ADCK2: variants seen among roughly 807,000 people sequenced by gnomAD.
ADCK2 encodes the protein aarF domain containing kinase 2.
In ADCK2, 37 loss-of-function variants were observed where a neutral mutation model predicts 52.3. The ratio of observed to expected loss-of-function variants is 0.71; its 90% CI spans 0.54 to 0.93. The LOEUF (loss-of-function observed/expected upper bound fraction) is 0.93, where lower values mean the gene tolerates loss of function less well. ADCK2 is among the 40% of genes least tolerant of loss of function. ADCK2 has a pLI of 0.00. For synonymous variants in ADCK2, 321 were observed against 349.2 expected, an observed-to-expected ratio of 0.92 and a Z score of 0.90; for missense variants, 695 against 798.7, an observed-to-expected ratio of 0.87 and a Z score of 1.56.
chr7:140,692,290 A>C (rs1794723135), intron 7 of ADCK2, among the ~76,000 whole-genome samples: 1 of 152,136 alleles, frequency 6.6e-6, no homozygotes, highest in African/African-American at 2.4e-5. Flanking sequence ...TATAAAGTAT[A>C]CTGTCCTTTT....
chr7:140,676,427 C>T (rs1794418622), intron 2 of ADCK2, among the ~76,000 whole-genome samples: 1 of 152,194 alleles, frequency 6.6e-6, no homozygotes, highest in African/African-American at 2.4e-5. Flanking sequence ...CAAATTAAAA[C>T]AGAGAAAATA....
At chr7:140,689,522 G>A (rs1794667720) in intron 5 of ADCK2, 75 bp from the exon 6 acceptor site, 2 of 1,500,490 alleles carry the variant, frequency 1.3e-6, no homozygotes. Context: ...CTGCTGAGAT[G>A]AGAAAGACGC....
At chr7:140,691,088 G>A (rs1424008515) in intron 7 of ADCK2, among the ~76,000 whole-genome samples, 2 of 151,940 alleles carry the variant, frequency 1.3e-5, no homozygotes, top group Admixed American at 6.6e-5. Flanking sequence ...ACCACGCCTG[G>A]CTAATTTTTG....
intron 7 of ADCK2, among the ~76,000 whole-genome samples, chr7:140,691,376 C>T (rs1057206387): frequency 2.6e-5 from 4 of 152,250 alleles, no homozygotes; most frequent in Non-Finnish European, 5.9e-5. Flanking sequence ...CAGCCTACCT[C>T]TGGCTTTTCA....
At position 140,687,107 on chromosome 7, in the gene ADCK2, ACT is replaced by A; in HGVS notation, c.1426_1427del (p.Leu476GlyfsTer28). On this transcript the variant is annotated frameshift_variant, in exon 5 of 8. Coordinates refer to ENST00000072869, the MANE Select transcript of ADCK2 (RefSeq NM_052853.4). LOFTEE classifies it high-confidence loss of function. Reference protein sequence around the residue: ...AQLQQADICDTLVVAVPSSLC... With the variant: ...AQLQQADICDXLVVAVPSSLC... ...GCTGCAGCAGGCGGACATCTGTGAC[ACT>A]CTGGTGGTGGCCGTGCCATCTTCCC... 1.2e-6 allele frequency: 2 copies of A among 1,613,440 alleles called. No individual in the cohort carries two copies. Among genetic ancestry groups the A allele is most frequent in the African/African-American group, 1.3e-5 (1 of 74,874 alleles).
intron 4 of ADCK2, among the ~76,000 whole-genome samples, chr7:140,682,308 T>C (rs1214651305): frequency 6.6e-6 from 1 of 152,226 alleles, no homozygotes; most frequent in Non-Finnish European, 1.5e-5. Flanking sequence ...TGTGAAGGTC[T>C]AGGTGTCACT....
At chr7:140,690,699 G>A (rs1585854998) in intron 6 of ADCK2, 61 bp from the exon 7 acceptor site, 16 of 1,520,998 alleles carry the variant, frequency 1.1e-5, no homozygotes, top group Non-Finnish European at 1.5e-5. Flanking sequence ...TGGGGGTGGT[G>A]GGAAATGAGC....
rs1395818718 is a variant in ADCK2 at position 140,693,493 on chromosome 7, T to G, written c.1741-1170T>G. 6.6e-6 allele frequency among the ~76,000 whole-genome samples: 1 copy of G among 152,254 alleles called. No individual in the cohort carries two copies. Among genetic ancestry groups the G allele is most frequent in the African/African-American group, 2.4e-5 (1 of 41,476 alleles). On this transcript the variant is annotated intron_variant, in intron 7 of 7. Transcript: ENST00000072869. This position sits in a 1 kb window ranked among gnomAD's most constrained non-coding sequence, Gnocchi z 4.0. Reference sequence around the variant, plus strand: ...GTCCACTTAAAAAGCAGATTCCTGTTCTTCTAGGTTTACATCTGGCTCTAT... The same window carrying G: ...GTCCACTTAAAAAGCAGATTCCTGTGCTTCTAGGTTTACATCTGGCTCTAT...
rs1325060889 is a variant in ADCK2, at chr7:140,679,182, C to G, written c.1108C>G (p.Leu370Val). The G allele has an allele frequency of 6.2e-7, 1 of 1,614,136 alleles. No homozygotes were observed. Among genetic ancestry groups the G allele is most frequent in the Non-Finnish European group, 8.5e-7 (1 of 1,180,006 alleles). ...QIDLRYEAQN[L>V]EHFQVNFRNV... is the part of the protein sequence containing the mutation. ...TGACCTGCGTTACGAAGCTCAGAAT[C>G]TAGAACACTTCCAGGTCAACTTCCG... The change falls in exon 3 of 8, where the codon CTA (leucine) becomes GTA (valine). Residue 370 changes from leucine to valine, a missense_variant. Leu to Val is a conservative substitution (Grantham distance 32). Transcript: ENST00000072869.
chr7:140,692,308 G>C (rs918582513), intron 7 of ADCK2, among the ~76,000 whole-genome samples: 4 of 152,098 alleles, frequency 2.6e-5, no homozygotes, highest in Non-Finnish European at 5.9e-5. Context: ...TTTGTGATTG[G>C]CTTGTTTTAC....
At chr7:140,687,883 T>C (rs1794634439) in intron 5 of ADCK2, among the ~76,000 whole-genome samples, 1 of 151,486 alleles carries the variant, frequency 6.6e-6, no homozygotes, top group South Asian at 2.1e-4. Flanking sequence ...AGTTTTTTTT[T>C]TTTTTTTTTA....
rs1801679945 is a variant in ADCK2, at chr7:140,673,804, GT to G, written c.478del (p.Ser160ArgfsTer15). The G allele has an allele frequency of 1.2e-6, 2 of 1,613,598 alleles. No individual in the cohort carries two copies. The highest frequency in any genetic ancestry group is 1.7e-6 in the Non-Finnish European group (2 of 1,179,998). On this transcript the variant is annotated frameshift_variant, in exon 1 of 8. Coordinates refer to ENST00000072869, the MANE Select transcript of ADCK2 (RefSeq NM_052853.4). LOFTEE classifies it high-confidence loss of function. The surrounding 1 kb of genome is among the most constrained non-coding windows in gnomAD (Gnocchi z 6.4). ...AGTGGGCCAGCACCCGGCGCGATCT[GT>G]TTTCGGAGGCTTTCTGTGCCCAATT... The part of the protein sequence containing the change: ...GQWASTRRDL[F>X]SEAFCAQFSK...
At position 140,673,607 on chromosome 7, in the gene ADCK2, G is replaced by C; in HGVS notation, c.277G>C (p.Val93Leu). The C allele has an allele frequency of 6.2e-7, 1 of 1,608,220 alleles. No homozygotes were observed. Residue 93 changes from valine to leucine, a missense_variant, in exon 1 of 8, where the codon GTC becomes CTC. Physicochemically the swap from Val to Leu is conservative, Grantham distance 32 (BLOSUM62 1). Coordinates refer to ENST00000072869, the MANE Select transcript of ADCK2 (RefSeq NM_052853.4). This position sits in a 1 kb window ranked among gnomAD's most constrained non-coding sequence, Gnocchi z 6.4. ...SLPRAGPLGG[V>L]FLHLRLWLRA... ...CCCCCGAGCGGGACCTCTGGGCGGC[G>C]TCTTCCTGCATCTCCGCCTCTGGCT...
rs966828430 is a variant in ADCK2, at chr7:140,687,012, A to T, written c.1328A>T (p.His443Leu). 9 of 1,614,056 alleles carry T rather than the reference A, an allele frequency of 5.6e-6. No homozygotes were observed. The highest frequency in any genetic ancestry group is 6.8e-6 in the Non-Finnish European group (8 of 1,179,942). Residue 443 changes from histidine to leucine, a missense_variant, in exon 5 of 8, where the codon CAT becomes CTT. Transcript: ENST00000072869. Reference protein sequence around the residue: ...LKMIFVDNFVHADLHPGNILV... With the variant: ...LKMIFVDNFVLADLHPGNILV... ...CAGATATTTGTGGATAACTTTGTCCATGCAGACCTTCACCCTGGAAACATC... is the reference window on the plus strand; with the variant it reads ...CAGATATTTGTGGATAACTTTGTCCTTGCAGACCTTCACCCTGGAAACATC...
At chr7:140,691,510 TG>T (rs58162703) in intron 7 of ADCK2, among the ~76,000 whole-genome samples, 9,694 of 152,222 alleles carry the variant, frequency 0.064, 1,014 homozygotes, top group African/African-American at 0.22. Flanking sequence ...CCTTGTGTCC[TG>T]GTGCTTTCAG....
At chr7:140,686,869 G>A in intron 4 of ADCK2, 121 bp from the exon 5 acceptor site, 1 of 1,319,666 alleles carries the variant, frequency 7.6e-7, no homozygotes, top group Non-Finnish European at 1.1e-6. Context: ...TATAGGACAT[G>A]CACCTCTTTG....
At position 140,693,447 on chromosome 7, in the gene ADCK2, C is replaced by A. The variant is rs929219759; in HGVS notation, c.1741-1216C>A. Among the ~76,000 whole-genome samples, 3 of 152,206 alleles carry A rather than the reference C, an allele frequency of 2.0e-5. No homozygotes were observed. In the South Asian group the frequency reaches 6.2e-4, roughly 32 times the overall value. On this transcript the variant is annotated intron_variant, in intron 7 of 7. Transcript: ENST00000072869. The surrounding 1 kb of genome is among the most constrained non-coding windows in gnomAD (Gnocchi z 4.0). ...ACAAAGAATATTTCCCATGATTCAA[C>A]CTTCCATTTCTTGACCTTCTGTCCA...
chr7:140,690,724 C>G (rs749718064), intron 6 of ADCK2, 36 bp from the exon 7 acceptor site: 2 of 1,605,498 alleles, frequency 1.2e-6, no homozygotes, highest in African/African-American at 1.3e-5. Context: ...CTGGAAGGCT[C>G]GGTGGTCTGC....
At chr7:140,691,928 G>T (rs1238857215) in intron 7 of ADCK2, among the ~76,000 whole-genome samples, 1 of 152,214 alleles carries the variant, frequency 6.6e-6, no homozygotes, top group African/African-American at 2.4e-5. Flanking sequence ...CACGGTGGGT[G>T]AGGGGCCTTG....
Sources: allele counts gnomAD v4.1 joint callset (sites outside exome capture counted in the v4.1 genomes callset), GRCh38; gene constraint gnomAD v4.1.1; non-coding constraint Gnocchi (gnomAD v3.1); transcripts MANE v1.5; gene names NCBI Gene and HGNC (gene_info 2026-07-23, HGNC 2026-07-21).